Variants in GTF2H4 observed in about 807,000 individuals in gnomAD.
The protein encoded by GTF2H4 is BTF2 p52.
Under a neutral mutation model 62.2 loss-of-function variants are expected in GTF2H4, and 49 were observed. The observed-to-expected ratio is 0.79, with a 90% CI of 0.63 to 1.00. GTF2H4 has a LOEUF of 1.00. Among genes scored for constraint, GTF2H4 ranks in the 50% least tolerant of loss-of-function variants. The pLI is 0.00. For synonymous variants in GTF2H4, 189 were observed against 233.8 expected (o/e 0.81, Z 1.75); for missense variants, 479 against 587.8 (o/e 0.81, Z 1.91).
At position 30,912,998 on chromosome 6, in the gene GTF2H4, G is replaced by A; in HGVS notation, c.1090-112G>A. The stretch of plus-strand genomic sequence containing the variant: ...CTGGGATGGGTGGAGTTGATGACAG[G>A]AGTTATGAGTTTTTAGAATAAGCTG... On this transcript the variant is annotated intron_variant, in intron 11 of 13. Coordinates refer to ENST00000259895, the MANE Select transcript of GTF2H4 (RefSeq NM_001517.5). The surrounding 1 kb of genome is among the most constrained non-coding windows in gnomAD (Gnocchi z 4.8). 9.8e-7 allele frequency: 1 copy of A among 1,017,830 alleles called. No individual in the cohort carries two copies. Among genetic ancestry groups the A allele is most frequent in the Non-Finnish European group, 1.5e-6 (1 of 669,602 alleles). The allele number at this position is 1,017,830 out of a possible 1,614,324, so 63.0% of individuals were successfully genotyped here. A position where few individuals can be genotyped will look rare whatever the true frequency, so the allele number is the denominator to read the frequency against.
chr6:30,913,143 G>A lies in GTF2H4; in HGVS notation c.1123G>A (p.Val375Met), dbSNP rs773820000. Reference protein sequence around the residue: ...IHFLRTRAHPVMLKQTPVLPP... With the variant: ...IHFLRTRAHPMMLKQTPVLPP... ...TTTCCTAAGGACAAGAGCCCACCCA[G>A]TGATGCTCAAACAGGTATAGACAGG... The change falls in exon 12 of 14, where the codon GTG becomes ATG. Residue 375 changes from valine (V) to methionine (M), a missense_variant. Coordinates refer to ENST00000259895, the MANE Select transcript of GTF2H4 (RefSeq NM_001517.5). This position sits in a 1 kb window ranked among gnomAD's most constrained non-coding sequence, Gnocchi z 4.2. 3 of 1,614,094 alleles carry A rather than the reference G, an allele frequency of 1.9e-6. No individual in the cohort carries two copies. The highest frequency in any genetic ancestry group is 2.7e-5 in the African/African-American group (2 of 74,946).
rs1793726278 is a variant in GTF2H4 at position 30,910,716 on chromosome 6, C to A, written c.426C>A (p.Ala142=). The A allele has an allele frequency of 6.2e-7, 1 of 1,612,856 alleles. No individual in the cohort carries two copies. Among genetic ancestry groups the A allele is most frequent in the African/African-American group, 1.3e-5 (1 of 74,916 alleles). Residue 142 remains alanine (A), a synonymous_variant, in exon 5 of 14, where the codon GCC becomes GCA. Coordinates refer to ENST00000259895, the MANE Select transcript of GTF2H4 (RefSeq NM_001517.5). The surrounding 1 kb of genome is among the most constrained non-coding windows in gnomAD (Gnocchi z 4.7). ...DTSQLGPDKH[A]RDVPSLDKYA... The stretch of plus-strand genomic sequence containing the variant: ...GTCAGCTGGGACCAGACAAGCATGC[C>A]CGGGACGTTCCCTCCCTTGACAAGT...
rs779050030 is a variant in GTF2H4 at position 30,913,925 on chromosome 6, C to A, written c.1331C>A (p.Thr444Asn). ...TCGGCCAAGCGGCTCATGGTGGTGA[C>A]CCCGGCCGGGCACAGCGACGTCAAG... ...ENSAKRLMVVTPAGHSDVKRF... is the reference protein window; with the variant it reads ...ENSAKRLMVVNPAGHSDVKRF... The change falls in exon 14 of 14, where the codon ACC becomes AAC. Residue 444 changes from threonine (T) to asparagine (N), a missense_variant. Physicochemically the swap from Thr to Asn is moderately conservative, Grantham distance 65. Transcript: ENST00000259895. This position sits in a 1 kb window ranked among gnomAD's most constrained non-coding sequence, Gnocchi z 4.2. The A allele has an allele frequency of 3.7e-6, 6 of 1,608,212 alleles. No individual in the cohort carries two copies. The Admixed American group carries it at 6.7e-5, about 18-fold the overall frequency.
rs752160142 is a variant in GTF2H4 at position 30,913,396 on chromosome 6, C to T, written c.1216+9C>T. The T allele has an allele frequency of 1.9e-6, 3 of 1,611,770 alleles. No individual in the cohort carries two copies. In the African/African-American group the frequency reaches 4.0e-5, roughly 22 times the overall value. ...ACTCCGGTTCACTGAGGGTGAGTAG[C>T]TTCTGGTGGCCAAGTCTTGGTCATT... On this transcript the variant is annotated intron_variant, in intron 13 of 13. Coordinates refer to ENST00000259895, the MANE Select transcript of GTF2H4 (RefSeq NM_001517.5). The surrounding 1 kb of genome is among the most constrained non-coding windows in gnomAD (Gnocchi z 4.2).
Position 30,913,867 on chromosome 6 carries a change from G to A in GTF2H4, c.1273G>A (p.Ala425Thr). 1 of 1,607,268 alleles carries A rather than the reference G, an allele frequency of 6.2e-7. No individual in the cohort carries two copies. Among genetic ancestry groups the A allele is most frequent in the Non-Finnish European group, 8.5e-7 (1 of 1,177,084 alleles). The change falls in exon 14 of 14, where the codon GCG becomes ACG. Residue 425 changes from alanine to threonine, a missense_variant. Coordinates refer to ENST00000259895, the MANE Select transcript of GTF2H4 (RefSeq NM_001517.5). This position sits in a 1 kb window ranked among gnomAD's most constrained non-coding sequence, Gnocchi z 4.2. ...QVDFELLLAH[A>T]RELGVLVFEN... ...GGACTTTGAGCTGCTGCTGGCCCAC[G>A]CGCGGGAGCTGGGCGTGCTCGTGTT...
Position 30,910,179 on chromosome 6 carries a change from C to A in GTF2H4, c.374+116C>A. On this transcript the variant is annotated intron_variant, in intron 4 of 13. Transcript: ENST00000259895. The surrounding 1 kb of genome is among the most constrained non-coding windows in gnomAD (Gnocchi z 4.7). ...GGCCTCCCCAGAACCTTGTGGTCTC[C>A]ACGTTGGGAACTCCTTTAGGAGTAA... 8.8e-7 allele frequency: 1 copy of A among 1,137,360 alleles called. No homozygotes were observed. The highest frequency in any genetic ancestry group is 1.3e-6 in the Non-Finnish European group (1 of 788,394). The allele number at this position is 1,137,360 out of a possible 1,614,324, so 70.5% of individuals were successfully genotyped here.
In GTF2H4 at chr6:30,910,623, G is replaced by T. The variant is rs1377738312; in HGVS notation, c.375-42G>T. On this transcript the variant is annotated intron_variant, in intron 4 of 13. Coordinates refer to ENST00000259895, the MANE Select transcript of GTF2H4 (RefSeq NM_001517.5). This position sits in a 1 kb window ranked among gnomAD's most constrained non-coding sequence, Gnocchi z 4.7. Reference sequence around the variant, plus strand: ...AGGGATTACAGGTGTGAGCCACTGCGCCTGGCCAGGGTTCCTTACTCTTGG... The same window carrying T: ...AGGGATTACAGGTGTGAGCCACTGCTCCTGGCCAGGGTTCCTTACTCTTGG... 3 of 1,441,244 alleles carry T rather than the reference G, an allele frequency of 2.1e-6. No homozygotes were observed. The highest frequency in any genetic ancestry group is 2.3e-5 in the East Asian group (1 of 44,038). 89.3% of individuals were successfully genotyped at this position (1,441,244 alleles called of 1,614,324 possible).
rs984410631 is a variant in GTF2H4, at chr6:30,913,501, T to C, written c.1216+114T>C. The stretch of plus-strand genomic sequence containing the variant: ...TAGGAGAGAAAAGCTGGCAAGACAG[T>C]TTTTTGTTGTTTTGGGGTGAGTCGG... On this transcript the variant is annotated intron_variant, in intron 13 of 13. Transcript: ENST00000259895. This position sits in a 1 kb window ranked among gnomAD's most constrained non-coding sequence, Gnocchi z 4.2. 1.5e-5 allele frequency: 19 copies of C among 1,227,712 alleles called. No individual in the cohort carries two copies. Among genetic ancestry groups the C allele is most frequent in the Non-Finnish European group, 2.0e-5 (18 of 880,544 alleles). The allele number at this position is 1,227,712 out of a possible 1,614,324, so 76.1% of individuals were successfully genotyped here. A position where few individuals can be genotyped will look rare whatever the true frequency, so the allele number is the denominator to read the frequency against.
Position 30,909,919 on chromosome 6 carries a change from G to A in GTF2H4, c.243-13G>A. On this transcript the variant is annotated splice_polypyrimidine_tract_variant and intron_variant, in intron 3 of 13. Coordinates refer to ENST00000259895, the MANE Select transcript of GTF2H4 (RefSeq NM_001517.5). This position sits in a 1 kb window ranked among gnomAD's most constrained non-coding sequence, Gnocchi z 4.3. ...TTCCAAATACCCTACTCACCTCTCT[G>A]CTTCTGTTCCAGGGCTCAGGAGGAA... The A allele has an allele frequency of 6.2e-7, 1 of 1,607,688 alleles. No individual in the cohort carries two copies. Among genetic ancestry groups the A allele is most frequent in the South Asian group, 1.1e-5 (1 of 90,214 alleles).
In GTF2H4 at chr6:30,913,004, T is replaced by G. The variant is rs1174190401; in HGVS notation, c.1090-106T>G. On this transcript the variant is annotated intron_variant, in intron 11 of 13. Coordinates refer to ENST00000259895, the MANE Select transcript of GTF2H4 (RefSeq NM_001517.5). The surrounding 1 kb of genome is among the most constrained non-coding windows in gnomAD (Gnocchi z 4.2). ...TGGGTGGAGTTGATGACAGGAGTTA[T>G]GAGTTTTTAGAATAAGCTGATGTTC... 2.7e-6 allele frequency: 3 copies of G among 1,112,426 alleles called. No individual in the cohort carries two copies. Among genetic ancestry groups the G allele is most frequent in the Non-Finnish European group, 2.7e-6 (2 of 749,346 alleles). The allele number at this position is 1,112,426 out of a possible 1,614,324, so 68.9% of individuals were successfully genotyped here.
Position 30,910,847 on chromosome 6 carries a change from C to T in GTF2H4, c.472-6C>T. ...CATGGTCTCCCTGTTCTCTTCTGTT[C>T]TTCAGGTGGTCTTGCACTTCATGGT... On this transcript the variant is annotated splice_polypyrimidine_tract_variant and splice_region_variant and intron_variant, in intron 5 of 13. Coordinates refer to ENST00000259895, the MANE Select transcript of GTF2H4 (RefSeq NM_001517.5). This position sits in a 1 kb window ranked among gnomAD's most constrained non-coding sequence, Gnocchi z 4.7. 1 of 1,611,942 alleles carries T rather than the reference C, an allele frequency of 6.2e-7. No homozygotes were observed. Among genetic ancestry groups the T allele is most frequent in the Non-Finnish European group, 8.5e-7 (1 of 1,179,320 alleles).
In GTF2H4 at chr6:30,913,859, T is replaced by A; in HGVS notation, c.1265T>A (p.Leu422Gln). The A allele has an allele frequency of 1.2e-6, 2 of 1,607,488 alleles. No homozygotes were observed. Among genetic ancestry groups the A allele is most frequent in the Non-Finnish European group, 1.7e-6 (2 of 1,177,158 alleles). Reference protein sequence around the residue: ...FLSQVDFELLLAHARELGVLV... With the variant: ...FLSQVDFELLQAHARELGVLV... ...TCGCAAGTGGACTTTGAGCTGCTGC[T>A]GGCCCACGCGCGGGAGCTGGGCGTG... Residue 422 changes from leucine to glutamine, a missense_variant, in exon 14 of 14, where the codon CTG becomes CAG. Transcript: ENST00000259895. This position sits in a 1 kb window ranked among gnomAD's most constrained non-coding sequence, Gnocchi z 4.2.
chr6:30,912,577 C>T lies in GTF2H4; in HGVS notation c.1089+119C>T, dbSNP rs1793826803. 7.6e-7 allele frequency: 1 copy of T among 1,315,286 alleles called. No homozygotes were observed. 81.5% of individuals were successfully genotyped at this position (1,315,286 alleles called of 1,614,324 possible). ...GTTATAATAGGTGGTGGTGAGTTGT[C>T]TGTGTTTGAAGAGAAATGAAGGCTT... On this transcript the variant is annotated intron_variant, in intron 11 of 13. Transcript: ENST00000259895. The surrounding 1 kb of genome is among the most constrained non-coding windows in gnomAD (Gnocchi z 4.8).
chr6:30,909,082 T>C lies in GTF2H4; in HGVS notation c.46T>C (p.Cys16Arg), dbSNP rs752680380. The change falls in exon 2 of 14, where the codon TGC (cysteine) becomes CGC (arginine). Residue 16 changes from cysteine (C) to arginine (R), a missense_variant. Transcript: ENST00000259895. The surrounding 1 kb of genome is among the most constrained non-coding windows in gnomAD (Gnocchi z 4.3). ...SRGLNRVHLQ[C>R]RNLQEFLGGL... Reference sequence around the variant, plus strand: ...GGGACTGAACCGAGTACACCTACAATGCAGGAATCTGCAGGAATTCTTAGG... The same window carrying C: ...GGGACTGAACCGAGTACACCTACAACGCAGGAATCTGCAGGAATTCTTAGG... 3 of 1,614,030 alleles carry C rather than the reference T, an allele frequency of 1.9e-6. No individual in the cohort carries two copies. The highest frequency in any genetic ancestry group is 2.2e-5 in the South Asian group (2 of 91,090).
In GTF2H4 at chr6:30,910,223, T is replaced by C. The variant is rs1582152529; in HGVS notation, c.374+160T>C. On this transcript the variant is annotated intron_variant, in intron 4 of 13. Coordinates refer to ENST00000259895, the MANE Select transcript of GTF2H4 (RefSeq NM_001517.5). This position sits in a 1 kb window ranked among gnomAD's most constrained non-coding sequence, Gnocchi z 4.7. The stretch of plus-strand genomic sequence containing the variant: ...GGAGTAAGTTGGACCAGATGTAGTG[T>C]GTGGTGTAGGAAATGTCCCCCACTC... Among the ~76,000 whole-genome samples the C allele has an allele frequency of 6.6e-6, 1 of 152,142 alleles. No homozygotes were observed. Among genetic ancestry groups the C allele is most frequent in the African/African-American group, 2.4e-5 (1 of 41,444 alleles).
chr6:30,913,266 G>A lies in GTF2H4; in HGVS notation c.1138-43G>A, dbSNP rs773447386. 1 of 1,612,874 alleles carries A rather than the reference G, an allele frequency of 6.2e-7. No homozygotes were observed. On this transcript the variant is annotated intron_variant, in intron 12 of 13. Transcript: ENST00000259895. This position sits in a 1 kb window ranked among gnomAD's most constrained non-coding sequence, Gnocchi z 4.2. ...AGAAACAGAGGGCCGGGTTGTCTGG[G>A]GCAGTATTCTGAGTCCCTACAGTCA...
chr6:30,911,867 A>C lies in GTF2H4; in HGVS notation c.825+100A>C. 1 of 1,392,066 alleles carries C rather than the reference A, an allele frequency of 7.2e-7. No individual in the cohort carries two copies. Among genetic ancestry groups the C allele is most frequent in the Non-Finnish European group, 1.0e-6 (1 of 987,926 alleles). The allele number at this position is 1,392,066 out of a possible 1,614,324, so 86.2% of individuals were successfully genotyped here. ...GGGTCTTGGGGCAGTAGCAGGAAGC[A>C]GTTGCCAGAACTGAATACTTGGGTC... is the stretch of plus-strand genomic sequence containing the variant. On this transcript the variant is annotated intron_variant, in intron 9 of 13. Transcript: ENST00000259895. The surrounding 1 kb of genome is among the most constrained non-coding windows in gnomAD (Gnocchi z 4.3).
rs1793940771 is a variant in GTF2H4, at chr6:30,913,946, T to G, written c.1352T>G (p.Val451Gly). The G allele has an allele frequency of 6.2e-7, 1 of 1,604,554 alleles. No homozygotes were observed. Among genetic ancestry groups the G allele is most frequent in the African/African-American group, 1.3e-5 (1 of 74,352 alleles). The change falls in exon 14 of 14, where the codon GTC becomes GGC. Residue 451 changes from valine (V) to glycine (G), a missense_variant. Val to Gly is a moderately radical substitution (Grantham distance 109). Transcript: ENST00000259895. The surrounding 1 kb of genome is among the most constrained non-coding windows in gnomAD (Gnocchi z 4.2). ...GTGACCCCGGCCGGGCACAGCGACG[T>G]CAAGCGCTTTTGGAAGCGGCAGAAA... is the stretch of plus-strand genomic sequence containing the variant. ...MVVTPAGHSD[V>G]KRFWKRQKHS...
In GTF2H4 at chr6:30,908,461, G is replaced by A. The variant is rs2074509; in HGVS notation, c.-4+58G>A. Reference sequence around the variant, plus strand: ...GGTATGAGAGAGAGAGAGGTGAGTGGGAGGCGAAGAGTGAGAGGAAGGCAG... The same window carrying A: ...GGTATGAGAGAGAGAGAGGTGAGTGAGAGGCGAAGAGTGAGAGGAAGGCAG... On this transcript the variant is annotated intron_variant, in intron 1 of 13. Coordinates refer to ENST00000259895, the MANE Select transcript of GTF2H4 (RefSeq NM_001517.5). 0.26 allele frequency: 43,180 copies of A among 167,578 alleles called. 6,689 individuals carry two copies. The highest frequency in any genetic ancestry group is 0.6 in the East Asian group (3,212 of 5,336). The allele number at this position is 167,578 out of a possible 1,614,324, so 10.4% of individuals were successfully genotyped here.
Sources: allele counts gnomAD v4.1 joint callset (sites outside exome capture counted in the v4.1 genomes callset), GRCh38; gene constraint gnomAD v4.1.1; non-coding constraint Gnocchi (gnomAD v3.1); transcripts MANE v1.5; gene names NCBI Gene and HGNC (gene_info 2026-07-23, HGNC 2026-07-21).